The following TMEM266 variants were observed in gnomAD, a reference collection of about 807,000 sequenced individuals.
TMEM266 encodes transmembrane protein 266, also known as Hv1 related protein 1.
In TMEM266, 33 loss-of-function variants were observed where a neutral mutation model predicts 50.5. The observed-to-expected ratio is 0.65, with a 90% confidence interval of 0.50 to 0.87. TMEM266 has a LOEUF of 0.87. Ranked by LOEUF, TMEM266 falls within the 40% of genes least tolerant of loss-of-function variation. TMEM266 has a pLI of 0.00. For missense variants in TMEM266, 655 were observed against 695.1 expected (o/e 0.94, Z 0.65); for synonymous variants, 310 against 292.3 (o/e 1.06, Z -0.62).
At chr15:76,125,634 G>A (rs2037409156) in intron 1 of TMEM266, among the ~76,000 whole-genome samples, 1 of 152,012 alleles carries the variant, frequency 6.6e-6, no homozygotes, top group African/African-American at 2.4e-5. Flanking sequence ...GATCACCTGA[G>A]GTCAGGAGTT....
At chr15:76,190,733 C>T (rs909938801) in intron 8 of TMEM266, among the ~76,000 whole-genome samples, 1 of 152,092 alleles carries the variant, frequency 6.6e-6, no homozygotes, top group African/African-American at 2.4e-5. Flanking sequence ...TTTTGCAACT[C>T]CTGTGAAAGT....
At position 76,060,057 on chromosome 15, in the gene TMEM266, G is replaced by A. The variant is rs1018614587; in HGVS notation, c.-97+41G>A. The A allele has an allele frequency of 1.2e-3, 168 of 143,088 alleles. 1 individual carries two copies. The highest frequency in any genetic ancestry group is 4.0e-3 in the African/African-American group (158 of 39,808). 8.9% of individuals were successfully genotyped at this position (143,088 alleles called of 1,614,324 possible). A position where few individuals can be genotyped will look rare whatever the true frequency, so the allele number is the denominator to read the frequency against. ...GCCGGCCGCGGCCAGAGCTTCCCCT[G>A]CCTCACTGCCCGAGTCTTGTGGTCG... On this transcript the variant is annotated intron_variant, in intron 1 of 10. Coordinates refer to ENST00000388942, the MANE Select transcript of TMEM266 (RefSeq NM_152335.3).
intron 1 of TMEM266, among the ~76,000 whole-genome samples, chr15:76,129,221 G>A (rs910405560): frequency 2.0e-5 from 3 of 152,156 alleles, no homozygotes; most frequent in African/African-American, 4.8e-5. Flanking sequence ...AAGACAATAT[G>A]TGTCTCCTAC....
intron 1 of TMEM266, among the ~76,000 whole-genome samples, chr15:76,076,131 T>C (rs1408779754): frequency 1.3e-5 from 2 of 151,912 alleles, no homozygotes; most frequent in Non-Finnish European, 2.9e-5. Context: ...GTGTTGGGAT[T>C]ACAGGCATGA....
intron 3 of TMEM266, among the ~76,000 whole-genome samples, chr15:76,138,550 G>A (rs544747082): frequency 1.3e-5 from 2 of 152,338 alleles, no homozygotes; most frequent in South Asian, 4.1e-4. Context: ...GAGCCCATAA[G>A]GGATGGACTT....
chr15:76,138,627 T>C (rs906902701), intron 3 of TMEM266, among the ~76,000 whole-genome samples: 1 of 152,206 alleles, frequency 6.6e-6, no homozygotes, highest in Admixed American at 6.5e-5. Flanking sequence ...GTACCCTACA[T>C]GCAGGAACAT....
intron 1 of TMEM266, among the ~76,000 whole-genome samples, chr15:76,107,875 G>C (rs946412958): frequency 3.9e-5 from 6 of 152,186 alleles, no homozygotes; most frequent in Non-Finnish European, 8.8e-5. Flanking sequence ...ATATCCTTCT[G>C]TCATCCCAAG....
At chr15:76,165,492 G>A (rs2038080804) in intron 5 of TMEM266, among the ~76,000 whole-genome samples, 2 of 152,230 alleles carry the variant, frequency 1.3e-5, no homozygotes, top group East Asian at 1.9e-4. Flanking sequence ...GATAAAGGAG[G>A]CTGAAAACCC....
chr15:76,198,547 CCTA>C (rs1472740200), intron 9 of TMEM266, among the ~76,000 whole-genome samples: 1 of 152,242 alleles, frequency 6.6e-6, no homozygotes, highest in African/African-American at 2.4e-5. Flanking sequence ...AGTGAGACTT[CCTA>C]CTGAGTGTGT....
chr15:76,137,554 G>A (rs1211205155), intron 2 of TMEM266, among the ~76,000 whole-genome samples, 153 bp from the exon 3 acceptor site: 1 of 152,162 alleles, frequency 6.6e-6, no homozygotes, highest in Non-Finnish European at 1.5e-5. Context: ...CAGTCCTCGG[G>A]TCCGCGGGTG....
At chr15:76,191,900 A>G in intron 8 of TMEM266, 68 bp from the exon 9 acceptor site, 3 of 1,401,382 alleles carry the variant, frequency 2.1e-6, no homozygotes, top group South Asian at 2.9e-5. Context: ...CAAAGCGCCC[A>G]GAGGTCAGGC....
rs373390322 is a variant in TMEM266, at chr15:76,204,484, A to T, written c.*169A>T. 1.7e-6 allele frequency: 1 copy of T among 594,614 alleles called. No individual in the cohort carries two copies. The highest frequency in any genetic ancestry group is 3.1e-5 in the Admixed American group (1 of 32,214). The allele number at this position is 594,614 out of a possible 1,614,324, so 36.8% of individuals were successfully genotyped here. ...GCCAGGCCAGGAGGCCACAAGCTTC[A>T]GACCTCAAAGCCCAGAGCTGGCGCC... On this transcript the variant is annotated 3_prime_UTR_variant, in exon 11 of 11. Transcript: ENST00000388942.
At chr15:76,118,985 T>A (rs2935963) in intron 1 of TMEM266, among the ~76,000 whole-genome samples, 6,872 of 152,176 alleles carry the variant, frequency 0.045, 495 homozygotes, top group African/African-American at 0.15. Flanking sequence ...CAAATGAAGC[T>A]CTGCCAACAA....
intron 8 of TMEM266, among the ~76,000 whole-genome samples, chr15:76,182,282 G>A (rs563460958): frequency 2.3e-4 from 35 of 152,176 alleles, no homozygotes; most frequent in African/African-American, 3.4e-4. Flanking sequence ...GGCCTACATC[G>A]TGTGGATGCC....
chr15:76,203,983 C>G lies in TMEM266; in HGVS notation c.1264C>G (p.Pro422Ala), dbSNP rs1459415817. 1.9e-6 allele frequency: 3 copies of G among 1,608,862 alleles called. No homozygotes were observed. Among genetic ancestry groups the G allele is most frequent in the Admixed American group, 1.7e-5 (1 of 59,880 alleles). ...TGCCCGCGAGGAGCCGTCCTCTGAG[C>G]CCGGCCCTTCTCCCCCGCCGCTGCC... ...SEPGPSPPPL[P>A]SQQQVEEATV... The change falls in exon 11 of 11, where the codon CCC becomes GCC. Residue 422 changes from proline (P) to alanine (A), a missense_variant. Physicochemically the swap from Pro to Ala is conservative, Grantham distance 27 (BLOSUM62 -1). This residue lies in a region of TMEM266 where 455 missense variants were observed against 401.8 expected (regional missense o/e 1.13). Transcript: ENST00000388942.
chr15:76,138,431 T>C (rs1210050302), intron 3 of TMEM266, among the ~76,000 whole-genome samples: 1 of 152,122 alleles, frequency 6.6e-6, no homozygotes, highest in Non-Finnish European at 1.5e-5. Flanking sequence ...AGGAGAATCA[T>C]AAAATTTATT....
intron 8 of TMEM266, among the ~76,000 whole-genome samples, chr15:76,184,948 G>A (rs982908920): frequency 9.9e-5 from 15 of 151,960 alleles, no homozygotes; most frequent in Non-Finnish European, 1.3e-4. Flanking sequence ...TTTTCCCACC[G>A]GGCCCATTTG....
At chr15:76,183,694 C>T (rs757324004) in intron 8 of TMEM266, among the ~76,000 whole-genome samples, 9 of 152,338 alleles carry the variant, frequency 5.9e-5, no homozygotes, top group Admixed American at 6.5e-5. Flanking sequence ...ACCCTTTCCC[C>T]GGTTCCACCA....
At chr15:76,082,716 C>T (rs1301397454) in intron 1 of TMEM266, among the ~76,000 whole-genome samples, 1 of 152,166 alleles carries the variant, frequency 6.6e-6, no homozygotes, top group Admixed American at 6.5e-5. Context: ...TGCCTGTAAT[C>T]CCAGCACTTT....
Sources: gnomAD v4.1 joint callset for allele counts (sites outside exome capture counted in the v4.1 genomes callset) on GRCh38, gnomAD v4.1.1 for gene constraint, gnomAD v4.1.1 regional missense constraint, MANE v1.5 for transcripts, NCBI Gene and HGNC (gene_info 2026-07-23, HGNC 2026-07-21) for gene names.